The following LIMK1 variants were observed in gnomAD, a reference collection of about 807,000 sequenced individuals.
LIMK1 encodes the protein LIM motif-containing protein kinase.
In LIMK1, 21 loss-of-function variants were observed where a neutral mutation model predicts 77.6. The observed-to-expected ratio is 0.27, with a 90% confidence interval of 0.19 to 0.39. The LOEUF (loss-of-function observed/expected upper bound fraction) is 0.39, where lower values mean the gene tolerates loss of function less well. Ranked by LOEUF, LIMK1 falls within the 10% of genes least tolerant of loss-of-function variation. The probability of loss-of-function intolerance (pLI) is 1.00; values close to 1 mark genes in which losing one functional copy is unlikely to be tolerated. For missense variants in LIMK1, 696 were observed against 901.6 expected (o/e 0.77, Z 2.92); for synonymous variants, 358 against 370.0 (o/e 0.97, Z 0.37).
chr7:74,115,242 G>A (rs1177895887), intron 12 of LIMK1: 1 of 155,608 alleles, frequency 6.4e-6, no homozygotes, highest in Non-Finnish European at 1.4e-5. Flanking sequence ...AGCCAAGTAT[G>A]GTGAAACCCG....
rs183255349 is a variant in LIMK1, at chr7:74,115,071, A to G, written c.1411-731A>G. Among the ~76,000 whole-genome samples the G allele has an allele frequency of 9.9e-4, 150 of 152,128 alleles. 3 individuals are homozygous for G. The South Asian group carries it at 0.018, about 19-fold the overall frequency. On this transcript the variant is annotated intron_variant, in intron 12 of 15. Transcript: ENST00000336180. Reference sequence around the variant, plus strand: ...AGACCCTATCTCAATCAGTCAATCAACCTAAATAAATAGTAAATCTGGTGG... The same window carrying G: ...AGACCCTATCTCAATCAGTCAATCAGCCTAAATAAATAGTAAATCTGGTGG...
chr7:74,094,379 C>G (rs1217770991), intron 2 of LIMK1: 2 of 152,318 alleles, frequency 1.3e-5, no homozygotes, highest in Non-Finnish European at 2.9e-5. Context: ...GTAGCAGTTT[C>G]CAGGTTGTGG....
At chr7:74,101,266 G>A (rs1554696553) in intron 5 of LIMK1, among the ~76,000 whole-genome samples, 1 of 152,182 alleles carries the variant, frequency 6.6e-6, no homozygotes, top group African/African-American at 2.4e-5. Flanking sequence ...CCAGACCAAC[G>A]GCTCTTACCA....
chr7:74,084,937 C>T (rs1799106527), intron 1 of LIMK1, among the ~76,000 whole-genome samples: 1 of 152,216 alleles, frequency 6.6e-6, no homozygotes, highest in Non-Finnish European at 1.5e-5. Flanking sequence ...CTTCCTGTAG[C>T]CCCTGCCTAC....
chr7:74,094,745 C>T (rs1554695310), intron 2 of LIMK1, among the ~76,000 whole-genome samples: 2 of 151,954 alleles, frequency 1.3e-5, no homozygotes, highest in Non-Finnish European at 2.9e-5. Context: ...CCCACCCCCG[C>T]GGTGATCCGG....
At position 74,085,792 on chromosome 7, in the gene LIMK1, G is replaced by C. The variant is rs1203997992; in HGVS notation, c.100G>C (p.Asp34His). Reference sequence around the variant, plus strand: ...TGCAAGCTGCGGCCAGAGGATCTATGATGGCCAGTACCTCCAGGCCCTGAA... The same window carrying C: ...TGCAAGCTGCGGCCAGAGGATCTATCATGGCCAGTACCTCCAGGCCCTGAA... ...VCASCGQRIY[D>H]GQYLQALNAD... The change falls in exon 2 of 16, where the codon GAT (aspartate) becomes CAT (histidine). Residue 34 changes from aspartate to histidine, a missense_variant. Asp to His is a moderately conservative substitution (Grantham distance 81, BLOSUM62 -1). Transcript: ENST00000336180. The C allele has an allele frequency of 1.5e-5, 23 of 1,564,874 alleles. No homozygotes were observed. The highest frequency in any genetic ancestry group is 2.0e-5 in the Non-Finnish European group (23 of 1,154,136).
intron 7 of LIMK1, 72 bp from the exon 8 acceptor site, chr7:74,106,938 G>A: frequency 2.2e-6 from 3 of 1,393,210 alleles, no homozygotes; most frequent in Non-Finnish European, 2.9e-6. Flanking sequence ...CAGGCAGGAG[G>A]AGGAAGGGGC....
At chr7:74,116,675 ATC>A (rs1799818514) in intron 13 of LIMK1, among the ~76,000 whole-genome samples, 1 of 147,850 alleles carries the variant, frequency 6.8e-6, no homozygotes. Flanking sequence ...CCATCCCCGC[ATC>A]TCTTTCCCTG....
rs1218870201 is a variant in LIMK1, at chr7:74,120,903, G to A, written c.1635G>A (p.Arg545=). The change falls in exon 15 of 16, where the codon CGG becomes CGA. Residue 545 remains arginine (R), a synonymous_variant. Transcript: ENST00000336180. ...CTTGTACTGGACAGATCATCGGGCG[G>A]GTGAACGCAGACCCTGACTACCTGC... ...FGIVLCEIIG[R]VNADPDYLPR... The A allele has an allele frequency of 6.2e-7, 1 of 1,614,018 alleles. No homozygotes were observed. Among genetic ancestry groups the A allele is most frequent in the African/African-American group, 1.3e-5 (1 of 74,920 alleles).
At chr7:74,102,673 A>ATTGTATCTT (rs1190397842) in intron 5 of LIMK1, among the ~76,000 whole-genome samples, 2 of 150,812 alleles carry the variant, frequency 1.3e-5, no homozygotes, top group African/African-American at 2.4e-5. Context: ...GTAATTATCA[A>ATTGTATCTT]TTGTATCTTA....
rs376757046 is a variant in LIMK1 at position 74,121,147 on chromosome 7, T to G, written c.1790T>G (p.Phe597Cys). ...ACCCACCTGTCACCCAGGCCATCCT[T>G]TGTGAAGCTGGAACACTGGCTGGAG... ...CDLDPEKRPS[F>C]VKLEHWLETL... Residue 597 changes from phenylalanine (F) to cysteine (C), a missense_variant, in exon 16 of 16, where the codon TTT (phenylalanine) becomes TGT (cysteine). Around this residue, in one of 3 missense-constraint regions of LIMK1, gnomAD observed 438 missense variants for 602.3 expected, o/e 0.73. Coordinates refer to ENST00000336180, the MANE Select transcript of LIMK1 (RefSeq NM_002314.4). The G allele has an allele frequency of 6.2e-7, 1 of 1,613,104 alleles. No homozygotes were observed. Among genetic ancestry groups the G allele is most frequent in the Non-Finnish European group, 8.5e-7 (1 of 1,179,598 alleles).
intron 13 of LIMK1, among the ~76,000 whole-genome samples, chr7:74,116,911 T>G (rs1048107117): frequency 6.6e-6 from 1 of 151,892 alleles, no homozygotes; most frequent in Non-Finnish European, 1.5e-5. Context: ...AGACAGAGTC[T>G]CGCTGTGTCT....
At chr7:74,096,790 T>TG (rs782452531) in intron 3 of LIMK1, 30 bp downstream of exon 3, 7 of 1,562,838 alleles carry the variant, frequency 4.5e-6, no homozygotes, top group Admixed American at 3.6e-5. Flanking sequence ...CACACTCACC[T>TG]GGGGTGGGGG....
Position 74,121,185 on chromosome 7 carries a change from C to T in LIMK1, c.1828C>T (p.His610Tyr). ...LEHWLETLRM[H>Y]LAGHLPLGPQ... ...ACACTGGCTGGAGACCCTCCGCATG[C>T]ACCTGGCCGGCCACCTGCCACTGGG... The change falls in exon 16 of 16, where the codon CAC becomes TAC. Residue 610 changes from histidine to tyrosine, a missense_variant. His to Tyr is a moderately conservative substitution (Grantham distance 83, BLOSUM62 2). Coordinates refer to ENST00000336180, the MANE Select transcript of LIMK1 (RefSeq NM_002314.4). 1 of 1,613,442 alleles carries T rather than the reference C, an allele frequency of 6.2e-7. No individual in the cohort carries two copies. The highest frequency in any genetic ancestry group is 8.5e-7 in the Non-Finnish European group (1 of 1,179,938).
At chr7:74,096,105 C>T (rs1309389736) in intron 2 of LIMK1, among the ~76,000 whole-genome samples, 1 of 151,774 alleles carries the variant, frequency 6.6e-6, no homozygotes, top group Non-Finnish European at 1.5e-5. Context: ...GCTGGGATTA[C>T]AGGTGCCCAC....
chr7:74,097,669 C>CT (rs1584112990), intron 4 of LIMK1, among the ~76,000 whole-genome samples: 2 of 152,352 alleles, frequency 1.3e-5, no homozygotes, highest in East Asian at 3.9e-4. Flanking sequence ...GAGCAAGACT[C>CT]TGTCTCAAAA....
chr7:74,113,898 G>T (rs1799753385), intron 12 of LIMK1, among the ~76,000 whole-genome samples: 1 of 152,054 alleles, frequency 6.6e-6, no homozygotes, highest in Non-Finnish European at 1.5e-5. Context: ...AAATGTTACA[G>T]TGAGCTCTGA....
At chr7:74,112,156 G>A (rs552379889) in intron 12 of LIMK1, among the ~76,000 whole-genome samples, 158 bp downstream of exon 12, 3 of 152,272 alleles carry the variant, frequency 2.0e-5, no homozygotes, top group South Asian at 2.1e-4. Flanking sequence ...GGGGAAGAGC[G>A]CAGGGTCAGG....
chr7:74,107,865 A>G lies in LIMK1; in HGVS notation c.1066-6A>G. ...CTGTCTTCACACCTCTGTGTCCCAC[A>G]CGCAGGTGACACACCGTGAGACAGG... On this transcript the variant is annotated splice_region_variant and splice_polypyrimidine_tract_variant and intron_variant, in intron 8 of 15. Transcript: ENST00000336180. The G allele has an allele frequency of 6.4e-7, 1 of 1,561,462 alleles. No individual in the cohort carries two copies. The highest frequency in any genetic ancestry group is 1.2e-5 in the South Asian group (1 of 84,666).
Sources: gnomAD v4.1 joint callset for allele counts (sites outside exome capture counted in the v4.1 genomes callset) on GRCh38, gnomAD v4.1.1 for gene constraint, gnomAD v4.1.1 regional missense constraint, MANE v1.5 for transcripts, NCBI Gene and HGNC (gene_info 2026-07-23, HGNC 2026-07-21) for gene names.